Variants in SMIM36 observed in about 807,000 individuals in gnomAD.
SMIM36 encodes small integral membrane protein 36.
intron 4 of SMIM36, among the ~76,000 whole-genome samples, chr17:55,451,078 G>T (rs1220781547): frequency 1.3e-5 from 2 of 152,036 alleles, no homozygotes; most frequent in Non-Finnish European, 1.5e-5. Flanking sequence ...GTAGATATGG[G>T]GTTTCACCAT....
chr17:55,525,149 G>A, the SMIM36 span, among the ~76,000 whole-genome samples: 4 of 152,152 alleles, frequency 2.6e-5, no homozygotes, highest in African/African-American at 9.7e-5. Context: ...GTCTACAGAA[G>A]GCTTTCTTCT....
intron 1 of SMIM36, among the ~76,000 whole-genome samples, chr17:55,484,148 AAAAC>A (rs1380681204): frequency 1.3e-5 from 2 of 151,522 alleles, no homozygotes; most frequent in African/African-American, 4.9e-5. Flanking sequence ...ACCATAGCAA[AAAAC>A]AAACAACAAA....
In SMIM36 at chr17:55,470,325, T is replaced by C. The variant is rs1441575784; in HGVS notation, c.*348-2997A>G. 3.9e-5 allele frequency among the ~76,000 whole-genome samples: 6 copies of C among 152,196 alleles called. No homozygotes were observed. The East Asian group carries it at 9.6e-4, about 24-fold the overall frequency. ...GTGGCTGAAGACTGACACTGCCTGA[T>C]CGCCTTGGAAGCCCCCTGGACCATC... On this transcript the variant is annotated intron_variant, in intron 3 of 4. Coordinates refer to ENST00000636752, the Ensembl canonical transcript of SMIM36.
chr17:55,459,425 G>A (rs1909096799), intron 4 of SMIM36, among the ~76,000 whole-genome samples: 2 of 152,100 alleles, frequency 1.3e-5, no homozygotes, highest in African/African-American at 4.8e-5. Flanking sequence ...TCCAATATGT[G>A]TGGCATATAT....
At chr17:55,476,690 C>G (rs1336593437) in intron 3 of SMIM36, among the ~76,000 whole-genome samples, 1 of 152,136 alleles carries the variant, frequency 6.6e-6, no homozygotes, top group Non-Finnish European at 1.5e-5. Context: ...ACCTCAGCCT[C>G]CTGACTAGGT....
At chr17:55,466,126 A>G (rs1909231104) in intron 4 of SMIM36, among the ~76,000 whole-genome samples, 1 of 151,764 alleles carries the variant, frequency 6.6e-6, no homozygotes, top group Non-Finnish European at 1.5e-5. Context: ...AAAAATGCAA[A>G]ATTAGCCTGG....
chr17:55,529,978 T>C, the SMIM36 span, among the ~76,000 whole-genome samples: 1 of 152,226 alleles, frequency 6.6e-6, no homozygotes, highest in Non-Finnish European at 1.5e-5. Flanking sequence ...TCATCGTTCA[T>C]AGAAGATGCA....
chr17:55,528,430 C>CA, the SMIM36 span, among the ~76,000 whole-genome samples: 1 of 152,082 alleles, frequency 6.6e-6, no homozygotes, highest in East Asian at 1.9e-4. Flanking sequence ...TAGCTCACTG[C>CA]AGCTTCAAGC....
intron 1 of SMIM36, among the ~76,000 whole-genome samples, chr17:55,482,925 T>C (rs1909544769): frequency 6.6e-6 from 1 of 152,252 alleles, no homozygotes; most frequent in African/African-American, 2.4e-5. Flanking sequence ...CTTACGACTA[T>C]AGCTTCAAGG....
intron 3 of SMIM36, chr17:55,467,953 G>T (rs1909272022): frequency 6.6e-6 from 1 of 152,146 alleles, no homozygotes; most frequent in African/African-American, 2.4e-5. Flanking sequence ...CCTGGACAGT[G>T]AGTCTCGGGA....
chr17:55,459,623 C>T (rs1028923402), intron 4 of SMIM36, among the ~76,000 whole-genome samples: 1 of 152,212 alleles, frequency 6.6e-6, no homozygotes, highest in Non-Finnish European at 1.5e-5. Context: ...TATTTGTTTA[C>T]TGTCTTCCTT....
intron 1 of SMIM36, among the ~76,000 whole-genome samples, chr17:55,489,707 T>A (rs184058200): frequency 6.6e-6 from 1 of 152,360 alleles, no homozygotes; most frequent in East Asian, 1.9e-4. Context: ...ACTGTATGAA[T>A]ATACCATATT....
chr17:55,485,845 T>C (rs1909595930), intron 1 of SMIM36, among the ~76,000 whole-genome samples: 1 of 152,132 alleles, frequency 6.6e-6, no homozygotes, highest in Non-Finnish European at 1.5e-5. Flanking sequence ...AGGTTATATG[T>C]CAAGTGAGTT....
In SMIM36 at chr17:55,462,328, G is replaced by A. The variant is rs569742034; in HGVS notation, c.*531+4817C>T. 9.8e-5 allele frequency among the ~76,000 whole-genome samples: 15 copies of A among 152,312 alleles called. No individual in the cohort carries two copies. The South Asian group carries it at 3.1e-3, about 32-fold the overall frequency. The stretch of plus-strand genomic sequence containing the variant: ...AAAATGGGCTAATAAAAGCTGCCAT[G>A]TGCAGGGCATGGTGGCTTATGCCTG... On this transcript the variant is annotated intron_variant, in intron 4 of 4. Coordinates refer to ENST00000636752, the Ensembl canonical transcript of SMIM36.
the SMIM36 span, among the ~76,000 whole-genome samples, chr17:55,518,279 C>T: frequency 1.2e-4 from 19 of 152,294 alleles, no homozygotes; most frequent in African/African-American, 3.6e-4. Context: ...AACTAACCCA[C>T]TCCCACAATA....
At chr17:55,488,592 C>CA (rs1909648893) in intron 1 of SMIM36, among the ~76,000 whole-genome samples, 1 of 152,170 alleles carries the variant, frequency 6.6e-6, no homozygotes, top group Admixed American at 6.5e-5. Context: ...TAGCCTATTA[C>CA]AATATCAGTA....
chr17:55,494,554 G>C (rs945666043), intron 1 of SMIM36, among the ~76,000 whole-genome samples: 2 of 152,128 alleles, frequency 1.3e-5, no homozygotes, highest in African/African-American at 4.8e-5. Flanking sequence ...GAGTGGTGCA[G>C]AGCCGGTCTT....
upstream of SMIM36, among the ~76,000 whole-genome samples, chr17:55,515,942 T>C (rs1365604216): frequency 1.3e-5 from 2 of 152,268 alleles, no homozygotes; most frequent in African/African-American, 4.8e-5. Flanking sequence ...GATCCTCTTC[T>C]ATTTTATTTT....
chr17:55,492,247 T>C (rs867323620), intron 1 of SMIM36, among the ~76,000 whole-genome samples: 5 of 136,182 alleles, frequency 3.7e-5, no homozygotes, highest in Admixed American at 7.6e-5. Context: ...TCTTTCTTTT[T>C]TTTTTTTTTT....
Sources: allele counts gnomAD v4.1 joint callset (sites outside exome capture counted in the v4.1 genomes callset), GRCh38; gene constraint gnomAD v4.1.1; transcripts MANE v1.5; gene names NCBI Gene and HGNC (gene_info 2026-07-23, HGNC 2026-07-21).